Variants in PCDH9 observed in about 807,000 individuals in gnomAD.
PCDH9 encodes the protein protocadherin-9.
A neutral mutation model predicts 70.6 loss-of-function variants in PCDH9; 24 were observed. That is an observed-to-expected ratio of 0.34 (90% CI 0.25 to 0.48). The LOEUF (loss-of-function observed/expected upper bound fraction) is 0.48. Ranked by LOEUF, PCDH9 falls within the 20% of genes least tolerant of loss-of-function variation. PCDH9 has a pLI of 0.99. For synonymous variants in PCDH9, 562 were observed against 558.5 expected (o/e 1.01, Z -0.09); for missense variants, 1,281 against 1,503.6 (o/e 0.85, Z 2.45).
At chr13:66,316,976 G>A (rs1260128767) in intron 4 of PCDH9, among the ~76,000 whole-genome samples, 1 of 152,072 alleles carries the variant, frequency 6.6e-6, no homozygotes, top group Non-Finnish European at 1.5e-5. Flanking sequence ...AACCTCCTCG[G>A]CCTCCCAAAA....
intron 4 of PCDH9, among the ~76,000 whole-genome samples, chr13:66,616,282 A>G (rs979857790): frequency 6.6e-6 from 1 of 152,202 alleles, no homozygotes; most frequent in Non-Finnish European, 1.5e-5. Context: ...ACAGACGTCC[A>G]TCAAAGCCAA....
At chr13:66,865,526 C>A (rs549595128) in intron 3 of PCDH9, among the ~76,000 whole-genome samples, 1 of 152,136 alleles carries the variant, frequency 6.6e-6, no homozygotes, top group African/African-American at 2.4e-5. Context: ...TTTACAGGGG[C>A]AGTTTTAATT....
intron 4 of PCDH9, among the ~76,000 whole-genome samples, chr13:66,331,993 C>G (rs558976799): frequency 1.5e-4 from 23 of 152,186 alleles, no homozygotes; most frequent in Admixed American, 5.9e-4. Context: ...AAAGTAACTG[C>G]AGATTGTGAT....
At chr13:66,660,362 ACTGT>A (rs10547631) in intron 3 of PCDH9, among the ~76,000 whole-genome samples, 85,879 of 151,376 alleles carry the variant, frequency 0.57, 24,636 homozygotes, top group African/African-American at 0.65. Context: ...GAATCACTGC[ACTGT>A]CTGAGTAATG....
At chr13:66,757,743 A>T (rs575369965) in intron 3 of PCDH9, among the ~76,000 whole-genome samples, 3 of 152,152 alleles carry the variant, frequency 2.0e-5, no homozygotes, top group African/African-American at 4.8e-5. Context: ...CGATATCTTC[A>T]TATGCATGAG....
chr13:66,345,466 T>C (rs1202825105), intron 4 of PCDH9, among the ~76,000 whole-genome samples: 1 of 152,082 alleles, frequency 6.6e-6, no homozygotes, highest in Non-Finnish European at 1.5e-5. Flanking sequence ...ACTCAATCAC[T>C]GAGCTATCAA....
At chr13:66,438,396 T>C (rs1435688585) in intron 4 of PCDH9, among the ~76,000 whole-genome samples, 2 of 152,114 alleles carry the variant, frequency 1.3e-5, no homozygotes, top group African/African-American at 4.8e-5. Flanking sequence ...GGGCATTCCC[T>C]TGCTGAGTCA....
intron 4 of PCDH9, among the ~76,000 whole-genome samples, chr13:66,566,568 A>G (rs1282598554): frequency 6.6e-6 from 1 of 152,210 alleles, no homozygotes; most frequent in Non-Finnish European, 1.5e-5. Flanking sequence ...ACAAAACTCA[A>G]ACAAATAAAG....
chr13:66,886,961 CATT>C (rs2082013806), intron 3 of PCDH9, among the ~76,000 whole-genome samples: 1 of 151,600 alleles, frequency 6.6e-6, no homozygotes, highest in Non-Finnish European at 1.5e-5. Context: ...TCCCCGATCT[CATT>C]ATTTCTTTTA....
chr13:66,897,050 T>G (rs896630348), intron 3 of PCDH9, among the ~76,000 whole-genome samples: 12 of 152,200 alleles, frequency 7.9e-5, no homozygotes, highest in African/African-American at 2.9e-4. Flanking sequence ...ATCTCTTGTT[T>G]TAGCACTGCT....
intron 3 of PCDH9, among the ~76,000 whole-genome samples, chr13:66,892,500 C>T (rs1324779628): frequency 1.3e-5 from 2 of 151,806 alleles, no homozygotes; most frequent in Non-Finnish European, 2.9e-5. Flanking sequence ...GCAATCATTT[C>T]AACATATCAC....
rs138414738 is a variant in PCDH9, at chr13:66,726,742, C to T, written c.3139-95331G>A. The stretch of plus-strand genomic sequence containing the variant: ...TCATGTTGGTATCCAATGTCTTGCA[C>T]GATTCTTGAAGTGCAGTATGTTTTA... On this transcript the variant is annotated intron_variant, in intron 3 of 4. Coordinates refer to ENST00000377865, the MANE Select transcript of PCDH9 (RefSeq NM_203487.3). 4.5e-3 allele frequency among the ~76,000 whole-genome samples: 688 copies of T among 152,252 alleles called. 18 individuals carry two copies. Among genetic ancestry groups the T allele is most frequent in the East Asian group, 2.3e-3 (12 of 5,186 alleles).
chr13:66,777,211 C>T (rs4572271), intron 3 of PCDH9, among the ~76,000 whole-genome samples: 56,248 of 151,308 alleles, frequency 0.37, 10,735 homozygotes, highest in East Asian at 0.57. Context: ...ATTCAGGACA[C>T]AGGCATGGGC....
At chr13:66,877,656 G>C (rs1486790308) in intron 3 of PCDH9, among the ~76,000 whole-genome samples, 6 of 152,076 alleles carry the variant, frequency 3.9e-5, no homozygotes, top group African/African-American at 1.4e-4. Flanking sequence ...GCATCTTATG[G>C]TTAGTTTTAT....
At chr13:67,155,403 A>C (rs895689513) in intron 2 of PCDH9, among the ~76,000 whole-genome samples, 2 of 152,276 alleles carry the variant, frequency 1.3e-5, no homozygotes, top group African/African-American at 4.8e-5. Flanking sequence ...AGAATGTTCC[A>C]TAAGCATGGG....
intron 2 of PCDH9, among the ~76,000 whole-genome samples, chr13:67,181,431 G>A (rs905256959): frequency 2.6e-5 from 4 of 152,088 alleles, no homozygotes; most frequent in African/African-American, 9.7e-5. Flanking sequence ...GAGGAGAGAG[G>A]AATGGGTAGA....
intron 3 of PCDH9, among the ~76,000 whole-genome samples, chr13:66,859,490 G>A (rs1452328363): frequency 2.0e-5 from 3 of 152,060 alleles, no homozygotes; most frequent in Non-Finnish European, 4.4e-5. Context: ...AACTATCTAT[G>A]GGTTTTACAT....
intron 4 of PCDH9, among the ~76,000 whole-genome samples, chr13:66,445,821 T>C (rs927910970): frequency 1.8e-5 from 2 of 108,494 alleles, no homozygotes; most frequent in East Asian, 6.7e-4. Flanking sequence ...TATATACACA[T>C]ATATACACAC....
chr13:67,012,635 A>G (rs888759430), intron 2 of PCDH9, among the ~76,000 whole-genome samples: 4 of 151,880 alleles, frequency 2.6e-5, no homozygotes, highest in African/African-American at 9.7e-5. Flanking sequence ...AGTGAGTCGC[A>G]TTTTTTTCCA....
Sources: gnomAD v4.1 joint callset for allele counts (sites outside exome capture counted in the v4.1 genomes callset) on GRCh38, gnomAD v4.1.1 for gene constraint, MANE v1.5 for transcripts, NCBI Gene and HGNC (gene_info 2026-07-23, HGNC 2026-07-21) for gene names.